The following WDR33 variants were observed in gnomAD, a reference collection of about 807,000 sequenced individuals.
The protein encoded by WDR33 is pre-mRNA 3' end processing protein WDR33.
Under a neutral mutation model 164.9 loss-of-function variants are expected in WDR33, and 47 were observed. The observed-to-expected ratio is 0.29, with a 90% CI of 0.23 to 0.36. The LOEUF (loss-of-function observed/expected upper bound fraction) is 0.36, where lower values mean the gene tolerates loss of function less well. Among genes scored for constraint, WDR33 ranks in the 10% least tolerant of loss-of-function variants. The pLI is 1.00. For missense variants in WDR33, 1,137 were observed against 1,754.1 expected (o/e 0.65, Z 6.28); for synonymous variants, 505 against 589.0 (o/e 0.86, Z 2.06).
At position 127,763,274 on chromosome 2, in the gene WDR33, G is replaced by C; in HGVS notation, c.627-115C>G. 1 of 1,525,040 alleles carries C rather than the reference G, an allele frequency of 6.6e-7. No homozygotes were observed. The highest frequency in any genetic ancestry group is 1.3e-5 in the South Asian group (1 of 79,468). 94.5% of individuals were successfully genotyped at this position (1,525,040 alleles called of 1,614,324 possible). A position where few individuals can be genotyped will look rare whatever the true frequency, so the allele number is the denominator to read the frequency against. On this transcript the variant is annotated intron_variant, in intron 6 of 21. Coordinates refer to ENST00000322313, the MANE Select transcript of WDR33 (RefSeq NM_018383.5). The surrounding 1 kb of genome is among the most constrained non-coding windows in gnomAD (Gnocchi z 4.5). ...GCTGCATTATAAACAGGAGAGGGAA[G>C]AATCCAGTGAAGAAGCCCTTAAAGT...
intron 7 of WDR33, among the ~76,000 whole-genome samples, chr2:127,758,530 A>T (rs186107047): frequency 6.5e-4 from 99 of 152,344 alleles, no homozygotes; most frequent in Non-Finnish European, 7.8e-4. Context: ...TTACAATTAC[A>T]GTAAGTATAA....
chr2:127,731,996 G>A (rs1686719354), intron 7 of WDR33, among the ~76,000 whole-genome samples: 1 of 152,074 alleles, frequency 6.6e-6, no homozygotes, highest in South Asian at 2.1e-4. Context: ...GCTGATGTGG[G>A]AGGACTGCTT....
intron 1 of WDR33, among the ~76,000 whole-genome samples, chr2:127,805,570 C>T (rs2104689220): frequency 6.6e-6 from 1 of 152,090 alleles, no homozygotes; most frequent in South Asian, 2.1e-4. Flanking sequence ...ATGAGGCTAG[C>T]TGTTTGTGGT....
In WDR33 at chr2:127,705,552, C is replaced by G. The variant is rs565885408; in HGVS notation, c.*771G>C. ...ACTAACATCAAGTTCCTCTCCTCAT[C>G]ATAACAAGGCGATTCAAACCTAAAC... On this transcript the variant is annotated 3_prime_UTR_variant, in exon 22 of 22. Transcript: ENST00000322313. This position sits in a 1 kb window ranked among gnomAD's most constrained non-coding sequence, Gnocchi z 4.5. 1.2e-4 allele frequency: 19 copies of G among 152,334 alleles called. No homozygotes were observed. In the East Asian group the frequency reaches 3.1e-3, roughly 25 times the overall value. The allele number at this position is 152,334 out of a possible 1,614,324, so 9.4% of individuals were successfully genotyped here. A position where few individuals can be genotyped will look rare whatever the true frequency, so the allele number is the denominator to read the frequency against.
chr2:127,783,377 C>G (rs190873394), intron 1 of WDR33, among the ~76,000 whole-genome samples: 2 of 152,160 alleles, frequency 1.3e-5, no homozygotes, highest in East Asian at 3.9e-4. Flanking sequence ...GATAGAGAAA[C>G]CAGCACTTTT....
At chr2:127,788,145 C>T (rs1191712941) in intron 1 of WDR33, among the ~76,000 whole-genome samples, 320 of 90,534 alleles carry the variant, frequency 3.5e-3, no homozygotes, top group Non-Finnish European at 4.7e-3. Flanking sequence ...TAGGGGCGGC[C>T]GGGCAGAGGC....
At chr2:127,756,817 T>TGC (rs1687534910) in intron 7 of WDR33, among the ~76,000 whole-genome samples, 1 of 152,052 alleles carries the variant, frequency 6.6e-6, no homozygotes, top group Non-Finnish European at 1.5e-5. Context: ...CATGGTGGCT[T>TGC]ATGCCTGTAA....
intron 7 of WDR33, among the ~76,000 whole-genome samples, chr2:127,754,679 T>A (rs1687471906): frequency 6.7e-6 from 1 of 148,550 alleles, no homozygotes; most frequent in Non-Finnish European, 1.5e-5. Flanking sequence ...CACCTTAGCC[T>A]CCCAAAGAGC....
At position 127,794,010 on chromosome 2, in the gene WDR33, G is replaced by A. The variant is rs777667070; in HGVS notation, c.-24+17002C>T. Among the ~76,000 whole-genome samples, 7 of 151,972 alleles carry A rather than the reference G, an allele frequency of 4.6e-5. 1 individual carries two copies. The South Asian group carries it at 6.2e-4, about 14-fold the overall frequency. ...ATTAGCCAGGAGTGGTGGCGCACCCGTGGCCCCAGCTACTTGGGTGGCTGA... is the reference window on the plus strand; with the variant it reads ...ATTAGCCAGGAGTGGTGGCGCACCCATGGCCCCAGCTACTTGGGTGGCTGA... On this transcript the variant is annotated intron_variant, in intron 1 of 21. Transcript: ENST00000322313.
intron 1 of WDR33, among the ~76,000 whole-genome samples, chr2:127,791,173 C>T (rs111373727): frequency 6.7e-5 from 8 of 119,176 alleles, no homozygotes; most frequent in African/African-American, 2.1e-4. Flanking sequence ...CACCCCCCCC[C>T]CCAGCAACTG....
intron 7 of WDR33, among the ~76,000 whole-genome samples, chr2:127,745,758 T>C (rs1687149152): frequency 6.6e-6 from 1 of 152,182 alleles, no homozygotes; most frequent in South Asian, 2.1e-4. Flanking sequence ...TCCAAGTCTG[T>C]AGAGTAACTC....
In WDR33 at chr2:127,748,534, A is replaced by G. The variant is rs1048281054; in HGVS notation, c.724+14528T>C. Among the ~76,000 whole-genome samples, 2 of 152,204 alleles carry G rather than the reference A, an allele frequency of 1.3e-5. 1 individual carries two copies. The highest frequency in any genetic ancestry group is 4.1e-4 in the South Asian group (2 of 4,832). On this transcript the variant is annotated intron_variant, in intron 7 of 21. Coordinates refer to ENST00000322313, the MANE Select transcript of WDR33 (RefSeq NM_018383.5). Reference sequence around the variant, plus strand: ...TAAAATGTTTTAAATGGCTCAGGTAAAGTAAAAAGCATTAAAAACTGTTAA... The same window carrying G: ...TAAAATGTTTTAAATGGCTCAGGTAGAGTAAAAAGCATTAAAAACTGTTAA...
At chr2:127,801,689 C>T (rs1214685328) in intron 1 of WDR33, among the ~76,000 whole-genome samples, 1 of 152,100 alleles carries the variant, frequency 6.6e-6, no homozygotes, top group Admixed American at 6.6e-5. Flanking sequence ...TCAAGACCAG[C>T]CTAGCCAACA....
chr2:127,745,360 T>A (rs1202592823), intron 7 of WDR33, among the ~76,000 whole-genome samples: 1 of 152,202 alleles, frequency 6.6e-6, no homozygotes, highest in Non-Finnish European at 1.5e-5. Context: ...TTGGAATACA[T>A]GGGACCACGA....
chr2:127,775,586 A>G (rs1168624055), intron 1 of WDR33, among the ~76,000 whole-genome samples: 1 of 152,230 alleles, frequency 6.6e-6, no homozygotes, highest in Non-Finnish European at 1.5e-5. Context: ...AGCACTAATC[A>G]AAAGACACAT....
intron 1 of WDR33, among the ~76,000 whole-genome samples, chr2:127,794,660 CCT>C (rs751296374): frequency 2.6e-5 from 4 of 151,460 alleles, no homozygotes; most frequent in African/African-American, 7.3e-5. Flanking sequence ...TGGTGAAACC[CCT>C]GTCTCTACTA....
intron 7 of WDR33, among the ~76,000 whole-genome samples, chr2:127,752,683 C>A (rs1687406853): frequency 6.6e-6 from 1 of 150,878 alleles, no homozygotes; most frequent in Admixed American, 6.6e-5. Context: ...TACTCACTGT[C>A]AATGTAAAAC....
chr2:127,705,996 C>A lies in WDR33; in HGVS notation c.*327G>T. 3.4e-6 allele frequency: 1 copy of A among 293,194 alleles called. No homozygotes were observed. The highest frequency in any genetic ancestry group is 5.1e-5 in the Admixed American group (1 of 19,720). 18.2% of individuals were successfully genotyped at this position (293,194 alleles called of 1,614,324 possible). A position where few individuals can be genotyped will look rare whatever the true frequency, so the allele number is the denominator to read the frequency against. On this transcript the variant is annotated 3_prime_UTR_variant, in exon 22 of 22. Transcript: ENST00000322313. This position sits in a 1 kb window ranked among gnomAD's most constrained non-coding sequence, Gnocchi z 4.5. Reference sequence around the variant, plus strand: ...CTCTGACAAACTGTACACATAGAAACAAATTTCCAAATGGACAGGAACTTA... The same window carrying A: ...CTCTGACAAACTGTACACATAGAAAAAAATTTCCAAATGGACAGGAACTTA...
intron 1 of WDR33, among the ~76,000 whole-genome samples, chr2:127,792,917 A>G (rs991194346): frequency 2.0e-5 from 3 of 152,174 alleles, no homozygotes; most frequent in Admixed American, 6.5e-5. Context: ...GAAACAAACA[A>G]AGCAGGCCAG....
Sources: allele counts gnomAD v4.1 joint callset (sites outside exome capture counted in the v4.1 genomes callset), GRCh38; gene constraint gnomAD v4.1.1; non-coding constraint Gnocchi (gnomAD v3.1); transcripts MANE v1.5; gene names NCBI Gene and HGNC (gene_info 2026-07-23, HGNC 2026-07-21).